USP15: variants seen among roughly 807,000 people sequenced by gnomAD.
USP15 encodes ubiquitin carboxyl-terminal hydrolase 15.
Under a neutral mutation model 127.1 loss-of-function variants are expected in USP15, and 18 were observed. The ratio of observed to expected loss-of-function variants is 0.14; its 90% CI spans 0.10 to 0.21. The LOEUF is 0.21. USP15 is among the 10% of genes least tolerant of loss of function. The pLI is 1.00. For synonymous variants in USP15, 364 were observed against 393.7 expected, an observed-to-expected ratio of 0.92 and a Z score of 0.89; for missense variants, 805 against 1,159.9, an observed-to-expected ratio of 0.69 and a Z score of 4.44.
At chr12:62,314,323 T>G (rs893635249) in intron 3 of USP15, among the ~76,000 whole-genome samples, 6 of 151,896 alleles carry the variant, frequency 4.0e-5, no homozygotes, top group African/African-American at 1.4e-4. Context: ...TATAAACAAC[T>G]TTTTAAAGGT....
chr12:62,300,785 AACT>A (rs1427056826), intron 2 of USP15, among the ~76,000 whole-genome samples: 2 of 152,166 alleles, frequency 1.3e-5, no homozygotes, highest in African/African-American at 4.8e-5. Context: ...TGAATGTAAA[AACT>A]AAAACTTTTA....
At chr12:62,403,699 A>T (rs561460677) in intron 21 of USP15, among the ~76,000 whole-genome samples, 40 of 152,132 alleles carry the variant, frequency 2.6e-4, no homozygotes, top group Admixed American at 2.4e-3. Flanking sequence ...AACCTTAGGT[A>T]TTTTTTAATG....
intron 1 of USP15, among the ~76,000 whole-genome samples, chr12:62,275,008 G>A (rs2063447997): frequency 6.6e-6 from 1 of 152,128 alleles, no homozygotes; most frequent in African/African-American, 2.4e-5. Flanking sequence ...GAAGAGGCGA[G>A]GGGCAGACTC....
intron 1 of USP15, among the ~76,000 whole-genome samples, chr12:62,266,491 A>G (rs551152068): frequency 1.3e-5 from 2 of 152,326 alleles, no homozygotes; most frequent in East Asian, 3.9e-4. Context: ...ATAGTGGAAG[A>G]TACAATGATA....
chr12:62,414,339 TTTTTG>T lies in USP15; in HGVS notation c.*9980_*9984del, dbSNP rs144003684. ...GCAGAATAAAACAAGGTATGCCTGG[TTTTTG>T]TTTTGTTTTGTTTTGAGACAAGGTC... On this transcript the variant is annotated 3_prime_UTR_variant, in exon 22 of 22. Transcript: ENST00000280377. 0.26 allele frequency: 40,111 copies of T among 151,750 alleles called. 6,486 individuals carry two copies. The highest frequency in any genetic ancestry group is 0.44 in the East Asian group (2,223 of 5,106). The allele number at this position is 151,750 out of a possible 1,614,324, so 9.4% of individuals were successfully genotyped here.
Position 62,414,405 on chromosome 12 carries a change from A to G in USP15, c.*10030A>G, listed in dbSNP as rs1030862964. The G allele has an allele frequency of 6.6e-6, 1 of 152,274 alleles. No homozygotes were observed. The highest frequency in any genetic ancestry group is 2.4e-5 in the African/African-American group (1 of 41,442). The allele number at this position is 152,274 out of a possible 1,614,324, so 9.4% of individuals were successfully genotyped here. On this transcript the variant is annotated 3_prime_UTR_variant, in exon 22 of 22. Transcript: ENST00000280377. ...ACCCAGGCTGGAGTGCAGTGGCACA[A>G]TCTCATCTCACTGCAGCCTCCAGCC...
At chr12:62,400,609 G>C (rs1230017080) in intron 20 of USP15, among the ~76,000 whole-genome samples, 1 of 129,890 alleles carries the variant, frequency 7.7e-6, no homozygotes, top group Admixed American at 7.2e-5. Flanking sequence ...AGAGATTCTG[G>C]TGTTAAAAAA....
rs200039845 is a variant in USP15, at chr12:62,302,795, G to T, written c.223G>T (p.Asp75Tyr). The T allele has an allele frequency of 8.6e-5, 139 of 1,607,444 alleles. No individual in the cohort carries two copies. The highest frequency in any genetic ancestry group is 3.4e-5 in the Admixed American group (2 of 59,420). Residue 75 changes from aspartate to tyrosine, a missense_variant, in exon 3 of 22, where the codon GAT (aspartate) becomes TAT (tyrosine). Around this residue, in one of 11 missense-constraint regions of USP15, gnomAD observed 69 missense variants for 126.4 expected, o/e 0.55. Transcript: ENST00000280377. ...GTTTATTTTTTCTTTTGCAGATGGT[G>T]ATGCCCAGTCACTTAAGGAACACCT... is the stretch of plus-strand genomic sequence containing the variant. ...IDNSGLLKDGDAQSLKEHLID... is the reference protein window; with the variant it reads ...IDNSGLLKDGYAQSLKEHLID...
chr12:62,352,839 A>ATTTTT (rs2066002040), intron 7 of USP15, among the ~76,000 whole-genome samples: 1 of 147,436 alleles, frequency 6.8e-6, no homozygotes, highest in African/African-American at 2.5e-5. Context: ...CACAAAAAAA[A>ATTTTT]AGTGTATTTT....
chr12:62,301,594 A>T (rs954117643), intron 2 of USP15, among the ~76,000 whole-genome samples: 3 of 152,206 alleles, frequency 2.0e-5, no homozygotes, highest in East Asian at 3.8e-4. Context: ...AAAAGAGGAC[A>T]TACTATTTTT....
At chr12:62,398,095 G>T (rs1056379479) in intron 20 of USP15, among the ~76,000 whole-genome samples, 2 of 151,420 alleles carry the variant, frequency 1.3e-5, no homozygotes, top group Non-Finnish European at 2.9e-5. Context: ...GGGTTCAAGC[G>T]ATCCTACCAC....
chr12:62,338,581 G>A (rs1304301989), intron 6 of USP15, among the ~76,000 whole-genome samples: 1 of 152,058 alleles, frequency 6.6e-6, no homozygotes, highest in Non-Finnish European at 1.5e-5. Context: ...TATTGCCTAG[G>A]TTTTCTTCTA....
intron 1 of USP15, among the ~76,000 whole-genome samples, chr12:62,287,316 A>G (rs2063817057): frequency 6.6e-6 from 1 of 152,218 alleles, no homozygotes; most frequent in Non-Finnish European, 1.5e-5. Flanking sequence ...CCCTGAATCT[A>G]ATATTTAAAA....
In USP15 at chr12:62,314,923, C is replaced by A; in HGVS notation, c.475+7C>A. ...AGCAAAGCTGACACAATAGGTAATG[C>A]AAGATCCTGTCTTGTTTTTAATCCA... On this transcript the variant is annotated splice_region_variant and intron_variant, in intron 4 of 21. Coordinates refer to ENST00000280377, the MANE Select transcript of USP15 (RefSeq NM_001252078.2). The A allele has an allele frequency of 6.4e-7, 1 of 1,565,574 alleles. No individual in the cohort carries two copies.
intron 6 of USP15, among the ~76,000 whole-genome samples, chr12:62,348,516 CAT>C (rs1359057477): frequency 1.3e-5 from 2 of 152,148 alleles, no homozygotes; most frequent in South Asian, 2.1e-4. Context: ...ATTAAAATAA[CAT>C]GTTTACAAAA....
chr12:62,408,141 C>G lies in USP15; in HGVS notation c.*3766C>G, dbSNP rs896347341. 1 of 152,012 alleles carries G rather than the reference C, an allele frequency of 6.6e-6. No individual in the cohort carries two copies. Among genetic ancestry groups the G allele is most frequent in the African/African-American group, 2.4e-5 (1 of 41,382 alleles). The allele number at this position is 152,012 out of a possible 1,614,324, so 9.4% of individuals were successfully genotyped here. A position where few individuals can be genotyped will look rare whatever the true frequency, so the allele number is the denominator to read the frequency against. On this transcript the variant is annotated 3_prime_UTR_variant, in exon 22 of 22. Coordinates refer to ENST00000280377, the MANE Select transcript of USP15 (RefSeq NM_001252078.2). Reference sequence around the variant, plus strand: ...ATAAGCCGGGAGACTGAAATGGAGTCTCCTTCAGTGGTACACCAAAGGGAG... The same window carrying G: ...ATAAGCCGGGAGACTGAAATGGAGTGTCCTTCAGTGGTACACCAAAGGGAG...
At chr12:62,315,944 C>G (rs1253742472) in intron 4 of USP15, among the ~76,000 whole-genome samples, 2 of 152,110 alleles carry the variant, frequency 1.3e-5, no homozygotes, top group Non-Finnish European at 2.9e-5. Context: ...TTATTCTCCC[C>G]TCTTCATTTA....
rs555019086 is a variant in USP15 at position 62,264,069 on chromosome 12, C to G, written c.89+3566C>G. Among the ~76,000 whole-genome samples, 22 of 152,258 alleles carry G rather than the reference C, an allele frequency of 1.4e-4. No homozygotes were observed. The South Asian group carries it at 4.2e-3, about 29-fold the overall frequency. On this transcript the variant is annotated intron_variant, in intron 1 of 21. Transcript: ENST00000280377. ...AGTGCGTGGTCTCGGCTCACCGCAA[C>G]CACCTCCAGGGTTCAAGTGATCCTC... is the stretch of plus-strand genomic sequence containing the variant.
At chr12:62,301,909 G>T (rs549548532) in intron 2 of USP15, among the ~76,000 whole-genome samples, 34 of 152,286 alleles carry the variant, frequency 2.2e-4, no homozygotes, top group African/African-American at 7.9e-4. Context: ...AGATATTTCT[G>T]TTCCTCTTTC....
Sources: allele counts gnomAD v4.1 joint callset (sites outside exome capture counted in the v4.1 genomes callset), GRCh38; gene constraint gnomAD v4.1.1; regional missense constraint gnomAD v4.1.1; transcripts MANE v1.5; gene names NCBI Gene and HGNC (gene_info 2026-07-23, HGNC 2026-07-21).